CDH4: variants seen among roughly 807,000 people sequenced by gnomAD.
CDH4 encodes the protein cadherin-4.
In CDH4, 33 loss-of-function variants were observed where a neutral mutation model predicts 86.0. That is an observed-to-expected ratio of 0.38 (90% CI 0.29 to 0.51). The LOEUF is 0.51. Ranked by LOEUF, CDH4 falls within the 20% of genes least tolerant of loss-of-function variation. CDH4 has a pLI of 0.86. For synonymous variants in CDH4, 555 were observed against 549.4 expected, an observed-to-expected ratio of 1.01 and a Z score of -0.14; for missense variants, 1,114 against 1,307.4, an observed-to-expected ratio of 0.85 and a Z score of 2.28.
chr20:61,841,922 G>T (rs1374690174), intron 4 of CDH4, among the ~76,000 whole-genome samples: 5 of 152,146 alleles, frequency 3.3e-5, no homozygotes, highest in Admixed American at 3.3e-4. Context: ...TTTCTATTAC[G>T]ACATGAGACA....
At chr20:61,921,364 G>A (rs1449611405) in intron 9 of CDH4, among the ~76,000 whole-genome samples, 12 of 152,274 alleles carry the variant, frequency 7.9e-5, no homozygotes, top group Non-Finnish European at 1.2e-4. Flanking sequence ...ACGCTGCTGC[G>A]TGGCAATCTG....
chr20:61,888,846 A>T (rs1256735399), intron 7 of CDH4, among the ~76,000 whole-genome samples: 1 of 152,208 alleles, frequency 6.6e-6, no homozygotes, highest in Admixed American at 6.5e-5. Flanking sequence ...AGCTGTGTAG[A>T]ACTGGGGAGG....
intron 2 of CDH4, among the ~76,000 whole-genome samples, chr20:61,473,753 GCAGA>G (rs1271324225): frequency 6.6e-6 from 1 of 151,746 alleles, no homozygotes; most frequent in Admixed American, 6.6e-5. Flanking sequence ...ACACAGACAC[GCAGA>G]CACACAGACA....
At chr20:61,291,314 C>T (rs191231974) in intron 2 of CDH4, among the ~76,000 whole-genome samples, 18 of 152,312 alleles carry the variant, frequency 1.2e-4, no homozygotes, top group African/African-American at 4.3e-4. Context: ...AGGATCACCC[C>T]GGCGGGTCCC....
chr20:61,435,759 C>G (rs1173735355), intron 2 of CDH4: 1 of 152,288 alleles, frequency 6.6e-6, no homozygotes, highest in Non-Finnish European at 1.5e-5. Context: ...GCAGTCAGCT[C>G]ACAGACATGA....
chr20:61,331,574 A>AG (rs2084573086), intron 2 of CDH4, among the ~76,000 whole-genome samples: 15 of 4,194 alleles, frequency 3.6e-3, no homozygotes, highest in South Asian at 7.2e-3. Context: ...CTCCTGCCTG[A>AG]CCACCTGCCC....
At chr20:61,755,299 CCA>C (rs1333726272) in intron 3 of CDH4, among the ~76,000 whole-genome samples, 2 of 128,236 alleles carry the variant, frequency 1.6e-5, no homozygotes, top group Non-Finnish European at 3.3e-5. Context: ...CCCACACACA[CCA>C]CACACACAGT....
At chr20:61,460,232 T>A (rs771048786) in intron 2 of CDH4, among the ~76,000 whole-genome samples, 1 of 152,204 alleles carries the variant, frequency 6.6e-6, no homozygotes, top group Admixed American at 6.5e-5. Flanking sequence ...GGACTTTTCA[T>A]TGGTGCCTCT....
At chr20:61,381,124 C>G (rs2084898270) in intron 2 of CDH4, among the ~76,000 whole-genome samples, 1 of 152,122 alleles carries the variant, frequency 6.6e-6, no homozygotes, top group Non-Finnish European at 1.5e-5. Context: ...GACCAGCTCC[C>G]CTAGCCTGTA....
At chr20:61,845,553 G>A (rs907630107) in intron 5 of CDH4, among the ~76,000 whole-genome samples, 7 of 152,210 alleles carry the variant, frequency 4.6e-5, no homozygotes, top group African/African-American at 1.4e-4. Flanking sequence ...TGAAGGCCTC[G>A]CCAGCAGCGC....
intron 2 of CDH4, among the ~76,000 whole-genome samples, chr20:61,344,819 A>G (rs746586043): frequency 7.2e-5 from 11 of 152,196 alleles, no homozygotes; most frequent in African/African-American, 1.4e-4. Context: ...AGGCTTTCCT[A>G]AGATTAAAAT....
chr20:61,757,318 C>T (rs2088577871), intron 3 of CDH4, among the ~76,000 whole-genome samples: 1 of 152,248 alleles, frequency 6.6e-6, no homozygotes, highest in Admixed American at 6.5e-5. Context: ...CCAATGCACC[C>T]CAAAGGAACG....
At chr20:61,292,270 G>A (rs2084326508) in intron 2 of CDH4, among the ~76,000 whole-genome samples, 1 of 152,188 alleles carries the variant, frequency 6.6e-6, no homozygotes, top group Non-Finnish European at 1.5e-5. Flanking sequence ...AAGAATATGT[G>A]GTAGATATAC....
At chr20:61,705,509 T>C (rs1343177317) in intron 2 of CDH4, among the ~76,000 whole-genome samples, 1 of 152,238 alleles carries the variant, frequency 6.6e-6, no homozygotes, top group Non-Finnish European at 1.5e-5. Flanking sequence ...ACAGTGTCTT[T>C]CAATCTCAGA....
rs750787907 is a variant in CDH4 at position 61,743,809 on chromosome 20, G to A, written c.396+20G>A. On this transcript the variant is annotated intron_variant, in intron 3 of 15. Coordinates refer to ENST00000614565, the MANE Select transcript of CDH4 (RefSeq NM_001794.5). ...CACAAGGTAAGGTGTGACCGCCCGGGTCTGCGCTGGAGTTTAGATGACCTA... is the reference window on the plus strand; with the variant it reads ...CACAAGGTAAGGTGTGACCGCCCGGATCTGCGCTGGAGTTTAGATGACCTA... 1 of 1,549,192 alleles carries A rather than the reference G, an allele frequency of 6.5e-7. No homozygotes were observed. Among genetic ancestry groups the A allele is most frequent in the Non-Finnish European group, 8.8e-7 (1 of 1,139,834 alleles).
intron 2 of CDH4, among the ~76,000 whole-genome samples, chr20:61,545,168 C>T (rs778768926): frequency 1.3e-5 from 2 of 152,212 alleles, no homozygotes; most frequent in East Asian, 3.8e-4. Context: ...CACGCAGCAT[C>T]GGGACAACGT....
intron 2 of CDH4, among the ~76,000 whole-genome samples, chr20:61,285,270 G>T (rs910682342): frequency 6.6e-6 from 1 of 152,196 alleles, no homozygotes; most frequent in Non-Finnish European, 1.5e-5. Context: ...ACGAAGCCAC[G>T]AAGCAGCAGA....
intron 6 of CDH4, among the ~76,000 whole-genome samples, chr20:61,859,536 T>A (rs1041802627): frequency 1.3e-5 from 2 of 152,256 alleles, no homozygotes; most frequent in Admixed American, 6.5e-5. Flanking sequence ...TAGTTTACGT[T>A]AGGTCCATGA....
intron 2 of CDH4, among the ~76,000 whole-genome samples, chr20:61,617,511 G>T (rs1034549989): frequency 6.6e-6 from 1 of 152,204 alleles, no homozygotes; most frequent in Non-Finnish European, 1.5e-5. Context: ...GAAGTCATAG[G>T]AGGAGCATAA....
Sources: allele counts gnomAD v4.1 joint callset (sites outside exome capture counted in the v4.1 genomes callset), GRCh38; gene constraint gnomAD v4.1.1; transcripts MANE v1.5; gene names NCBI Gene and HGNC (gene_info 2026-07-23, HGNC 2026-07-21).